The following DCAF4 variants were observed in gnomAD, a reference collection of about 807,000 sequenced individuals.
DCAF4 encodes the protein DDB1 and CUL4 associated factor 4.
Under a neutral mutation model 60.9 loss-of-function variants are expected in DCAF4, and 37 were observed. The ratio of observed to expected loss-of-function variants is 0.61; its 90% CI spans 0.47 to 0.80. The LOEUF (loss-of-function observed/expected upper bound fraction) is 0.80. Among genes scored for constraint, DCAF4 ranks in the 30% least tolerant of loss-of-function variants. The pLI is 0.00. For synonymous variants in DCAF4, 243 were observed against 254.8 expected (o/e 0.95, Z 0.44); for missense variants, 577 against 650.0 (o/e 0.89, Z 1.22).
At chr14:72,945,795 T>C in intron 6 of DCAF4, 89 bp from the exon 7 acceptor site, 13 of 1,543,318 alleles carry the variant, frequency 8.4e-6, no homozygotes, top group Non-Finnish European at 9.7e-6. Context: ...GCACAGAGCA[T>C]GGGGGCCAGG....
Position 72,955,688 on chromosome 14 carries a change from G to A in DCAF4, c.1171G>A (p.Ala391Thr), listed in dbSNP as rs753136564. The A allele has an allele frequency of 3.7e-6, 6 of 1,613,356 alleles. No individual in the cohort carries two copies. Among genetic ancestry groups the A allele is most frequent in the Middle Eastern group, 1.7e-4 (1 of 6,060 alleles). The change falls in exon 12 of 14, where the codon GCT (alanine) becomes ACT (threonine). Residue 391 changes from alanine (A) to threonine (T), a missense_variant. Transcript: ENST00000358377. Reference protein sequence around the residue: ...DEQYLMASDMAGKIKLWDLRT... With the variant: ...DEQYLMASDMTGKIKLWDLRT... ...GCAATACCTGATGGCTTCAGACATG[G>A]CTGGAAAGGTAGGGGATCATGGACT...
chr14:72,947,388 T>C (rs888590933), intron 8 of DCAF4, among the ~76,000 whole-genome samples, 197 bp downstream of exon 8: 1 of 152,230 alleles, frequency 6.6e-6, no homozygotes, highest in Non-Finnish European at 1.5e-5. Context: ...GAGAAGCAGC[T>C]GAGGTCCCAT....
At chr14:72,929,456 C>A (rs1190689485) in intron 1 of DCAF4, among the ~76,000 whole-genome samples, 1 of 152,252 alleles carries the variant, frequency 6.6e-6, no homozygotes, top group African/African-American at 2.4e-5. Flanking sequence ...CATCCCAACG[C>A]TGCGCCAAGG....
chr14:72,934,581 C>T (rs183410715), intron 1 of DCAF4, among the ~76,000 whole-genome samples: 115 of 152,312 alleles, frequency 7.6e-4, no homozygotes, highest in African/African-American at 2.6e-3. Flanking sequence ...TGAACCACCA[C>T]GCCGGGCTTG....
intron 6 of DCAF4, among the ~76,000 whole-genome samples, chr14:72,943,321 C>T (rs1381277930): frequency 6.6e-6 from 1 of 152,220 alleles, no homozygotes; most frequent in African/African-American, 2.4e-5. Flanking sequence ...CCCACTTCAG[C>T]TCCGTCGTTT....
intron 13 of DCAF4, 152 bp downstream of exon 13, chr14:72,956,652 G>T: frequency 1.5e-6 from 1 of 676,052 alleles, no homozygotes; most frequent in Non-Finnish European, 2.6e-6. Flanking sequence ...TAGGAGGGAA[G>T]TAGAATTAGA....
At chr14:72,953,765 T>G (rs1449649302) in intron 9 of DCAF4, among the ~76,000 whole-genome samples, 1 of 21,982 alleles carries the variant, frequency 4.5e-5, no homozygotes, top group Non-Finnish European at 9.7e-5. Context: ...ATATATATAG[T>G]TTATTTATTT....
chr14:72,937,908 G>A, intron 1 of DCAF4, 63 bp from the exon 2 acceptor site: 4 of 1,491,912 alleles, frequency 2.7e-6, no homozygotes, highest in South Asian at 2.8e-5. Flanking sequence ...CTGCCAAGAA[G>A]CAAACAGAAA....
chr14:72,941,665 T>C (rs1419882722), intron 4 of DCAF4, 80 bp from the exon 5 acceptor site: 6 of 1,353,224 alleles, frequency 4.4e-6, no homozygotes, highest in Non-Finnish European at 6.3e-6. Context: ...CATTACATCC[T>C]ATGGAACTAA....
downstream of DCAF4, among the ~76,000 whole-genome samples, chr14:72,961,631 TGCA>T (rs1892824812): frequency 4.6e-5 from 7 of 152,340 alleles, no homozygotes; most frequent in South Asian, 1.4e-3. Flanking sequence ...TTATTCCTGG[TGCA>T]GGGTTTTATT....
rs1892632490 is a variant in DCAF4 at position 72,958,809 on chromosome 14, T to A, written c.*4T>A. ...TTACTGTTACTCCTACAGCTAATTC[T>A]GCAGGGCACAGCCCAGAGCCATGTG... On this transcript the variant is annotated 3_prime_UTR_variant, in exon 14 of 14. Coordinates refer to ENST00000358377, the MANE Select transcript of DCAF4 (RefSeq NM_015604.4). The A allele has an allele frequency of 6.4e-7, 1 of 1,551,548 alleles. No individual in the cohort carries two copies. Among genetic ancestry groups the A allele is most frequent in the Non-Finnish European group, 8.7e-7 (1 of 1,151,846 alleles).
At chr14:72,947,786 G>C (rs1890927617) in intron 8 of DCAF4, among the ~76,000 whole-genome samples, 1 of 152,150 alleles carries the variant, frequency 6.6e-6, no homozygotes, top group Non-Finnish European at 1.5e-5. Flanking sequence ...GTCCCTGCTG[G>C]CAACAGCTTT....
At chr14:72,934,022 C>T (rs1888920592) in intron 1 of DCAF4, among the ~76,000 whole-genome samples, 1 of 152,198 alleles carries the variant, frequency 6.6e-6, no homozygotes. Flanking sequence ...TGTCACTCCT[C>T]GCACACCCAG....
intron 7 of DCAF4, 41 bp downstream of exon 7, chr14:72,946,068 C>T (rs776914373): frequency 1.1e-5 from 18 of 1,607,128 alleles, no homozygotes; most frequent in Non-Finnish European, 1.5e-5. Flanking sequence ...ACACTTGACC[C>T]TGGGGGTAGT....
At chr14:72,939,503 A>G (rs1422899595) in intron 2 of DCAF4, among the ~76,000 whole-genome samples, 4 of 152,186 alleles carry the variant, frequency 2.6e-5, no homozygotes, top group African/African-American at 9.7e-5. Context: ...AGAGATTTCT[A>G]TTTTTCCTTT....
chr14:72,953,763 A>AAG (rs1327466108), intron 9 of DCAF4, among the ~76,000 whole-genome samples: 1 of 38,140 alleles, frequency 2.6e-5, no homozygotes, highest in African/African-American at 9.5e-5. Context: ...ATATATATAT[A>AAG]GTTTATTTAT....
At chr14:72,951,775 CTG>C (rs758269538) in intron 8 of DCAF4, 21 bp from the exon 9 acceptor site, 18 of 1,613,286 alleles carry the variant, frequency 1.1e-5, no homozygotes, top group Non-Finnish European at 1.5e-5. Context: ...TTGTGCCTAA[CTG>C]TCCTTAACAG....
At position 72,945,979 on chromosome 14, in the gene DCAF4, T is replaced by A; in HGVS notation, c.630T>A (p.Pro210=). Residue 210 remains proline, a synonymous_variant, in exon 7 of 14, where the codon CCT becomes CCA. Transcript: ENST00000358377. ...GIINLQSLKT[P]TLKVFMHENL... is the part of the protein sequence containing the mutation. ...TCAACCTGCAAAGTCTGAAGACCCC[T>A]ACGCTCAAGGTGTTCATGCACGAAA... 3 of 1,614,138 alleles carry A rather than the reference T, an allele frequency of 1.9e-6. No individual in the cohort carries two copies.
chr14:72,927,235 G>A (rs1887695086), intron 1 of DCAF4, among the ~76,000 whole-genome samples: 1 of 152,042 alleles, frequency 6.6e-6, no homozygotes, highest in Admixed American at 6.6e-5. Context: ...CTCCAGCAGC[G>A]CAGCCAGAAG....
Sources: allele counts gnomAD v4.1 joint callset (sites outside exome capture counted in the v4.1 genomes callset), GRCh38; gene constraint gnomAD v4.1.1; transcripts MANE v1.5; gene names NCBI Gene and HGNC (gene_info 2026-07-23, HGNC 2026-07-21).